PALLD: variants seen among roughly 807,000 people sequenced by gnomAD.
PALLD encodes palladin.
In PALLD, 61 loss-of-function variants were observed where a neutral mutation model predicts 123.5. The ratio of observed to expected loss-of-function variants is 0.49; its 90% confidence interval spans 0.40 to 0.61. PALLD has a LOEUF of 0.61. Among genes scored for constraint, PALLD ranks in the 20% least tolerant of loss-of-function variants. PALLD has a pLI of 0.00. For synonymous variants in PALLD, 465 were observed against 496.4 expected (o/e 0.94, Z 0.84); for missense variants, 1,273 against 1,377.0 (o/e 0.92, Z 1.20).
chr4:168,737,508 T>C (rs2150333177), intron 10 of PALLD, among the ~76,000 whole-genome samples: 1 of 152,250 alleles, frequency 6.6e-6, no homozygotes, highest in Admixed American at 6.5e-5. Flanking sequence ...AAATGGAAGA[T>C]GCCAATTTGT....
chr4:168,722,056 T>C (rs2150265125), intron 10 of PALLD, among the ~76,000 whole-genome samples: 1 of 152,330 alleles, frequency 6.6e-6, no homozygotes, highest in South Asian at 2.1e-4. Flanking sequence ...TGTATGTATG[T>C]ATTTTCAAGC....
At chr4:168,746,313 G>A (rs146369037) in intron 10 of PALLD, among the ~76,000 whole-genome samples, 4,438 of 147,728 alleles carry the variant, frequency 0.03, 199 homozygotes, top group African/African-American at 0.095. Flanking sequence ...CCCGGGAGGC[G>A]GAGCTGGCAC....
chr4:168,755,247 A>T (rs1005789660), intron 10 of PALLD, among the ~76,000 whole-genome samples: 1 of 152,016 alleles, frequency 6.6e-6, no homozygotes, highest in Admixed American at 6.6e-5. Context: ...AAAAAAAAAA[A>T]AAAAGGGCAG....
intron 2 of PALLD, chr4:168,598,460 A>G (rs58926189): frequency 0.093 from 56,572 of 605,216 alleles, 2,966 homozygotes; most frequent in Admixed American, 0.13. Flanking sequence ...ATGACTGGTA[A>G]CTGCAAAGGT....
At chr4:168,754,325 A>T (rs1045997295) in intron 10 of PALLD, among the ~76,000 whole-genome samples, 2 of 152,198 alleles carry the variant, frequency 1.3e-5, no homozygotes, top group African/African-American at 4.8e-5. Flanking sequence ...ATTATATATG[A>T]GTATACCTTT....
intron 2 of PALLD, among the ~76,000 whole-genome samples, chr4:168,598,944 T>A (rs1772265865): frequency 6.6e-6 from 1 of 152,210 alleles, no homozygotes; most frequent in South Asian, 2.1e-4. Flanking sequence ...TAATAAATAA[T>A]TTTAAAGATG....
At chr4:168,824,549 C>G (rs1231565805) in intron 10 of PALLD, among the ~76,000 whole-genome samples, 1 of 151,908 alleles carries the variant, frequency 6.6e-6, no homozygotes, top group East Asian at 1.9e-4. Context: ...TGAACTTTTT[C>G]TAAAGTTACT....
At chr4:168,526,170 T>C (rs903125563) in intron 2 of PALLD, among the ~76,000 whole-genome samples, 2 of 152,220 alleles carry the variant, frequency 1.3e-5, no homozygotes, top group Non-Finnish European at 2.9e-5. Context: ...TTTTGGAACA[T>C]GAGGCCAGCT....
chr4:168,926,035 C>T (rs1328563944), intron 21 of PALLD, among the ~76,000 whole-genome samples, 178 bp from the exon 22 acceptor site: 1 of 152,036 alleles, frequency 6.6e-6, no homozygotes, highest in Admixed American at 6.6e-5. Flanking sequence ...CCTGTATAGA[C>T]AGTAAATCTG....
At chr4:168,912,297 G>C (rs1004106529) in intron 15 of PALLD, among the ~76,000 whole-genome samples, 2 of 152,176 alleles carry the variant, frequency 1.3e-5, no homozygotes, top group Non-Finnish European at 2.9e-5. Context: ...CTCTGAGCTA[G>C]AACTCACTAA....
At chr4:168,679,064 G>T (rs1781190465) in intron 3 of PALLD, among the ~76,000 whole-genome samples, 2 of 144,218 alleles carry the variant, frequency 1.4e-5, no homozygotes, top group Admixed American at 6.9e-5. Flanking sequence ...GTAGGTGCGT[G>T]TGTGGTGGGG....
intron 2 of PALLD, among the ~76,000 whole-genome samples, chr4:168,561,430 G>C (rs1767856655): frequency 6.6e-6 from 1 of 151,868 alleles, no homozygotes; most frequent in Non-Finnish European, 1.5e-5. Context: ...GGACCATTGT[G>C]CTCAGCTAAT....
intron 2 of PALLD, among the ~76,000 whole-genome samples, chr4:168,579,467 A>G (rs1769998713): frequency 6.6e-6 from 1 of 152,142 alleles, no homozygotes; most frequent in African/African-American, 2.4e-5. Context: ...AATTTTTTTT[A>G]GCTATGCAAT....
At chr4:168,836,469 A>C (rs1196525003) in intron 10 of PALLD, among the ~76,000 whole-genome samples, 1 of 152,212 alleles carries the variant, frequency 6.6e-6, no homozygotes, top group Admixed American at 6.5e-5. Context: ...TCATAAGAAA[A>C]TGCATGAAAC....
At chr4:168,690,371 T>C (rs574938013) in intron 6 of PALLD, among the ~76,000 whole-genome samples, 5 of 152,334 alleles carry the variant, frequency 3.3e-5, no homozygotes, top group Admixed American at 3.3e-4. Context: ...ACAGGACTTA[T>C]GGTACACTTT....
chr4:168,605,039 C>T (rs1773031770), intron 2 of PALLD, among the ~76,000 whole-genome samples: 1 of 152,078 alleles, frequency 6.6e-6, no homozygotes. Context: ...ACTCTGATAC[C>T]TTCTTTGGAA....
chr4:168,909,997 T>C (rs546401436), intron 15 of PALLD, among the ~76,000 whole-genome samples: 5 of 152,318 alleles, frequency 3.3e-5, no homozygotes, highest in Admixed American at 1.3e-4. Context: ...CTAATAATTC[T>C]GCCTCCTGAA....
At chr4:168,683,689 A>G (rs1036465169) in intron 5 of PALLD, among the ~76,000 whole-genome samples, 7 of 152,150 alleles carry the variant, frequency 4.6e-5, no homozygotes, top group Non-Finnish European at 1.0e-4. Flanking sequence ...AAAAAAAAGT[A>G]GAAAACCATT....
intron 10 of PALLD, among the ~76,000 whole-genome samples, chr4:168,855,706 C>T (rs1038450798): frequency 6.6e-6 from 1 of 152,204 alleles, no homozygotes; most frequent in Non-Finnish European, 1.5e-5. Context: ...AAAGGGCCCA[C>T]ATTTGGACAC....
Sources: gnomAD v4.1 joint callset for allele counts (sites outside exome capture counted in the v4.1 genomes callset) on GRCh38, gnomAD v4.1.1 for gene constraint, MANE v1.5 for transcripts, NCBI Gene and HGNC (gene_info 2026-07-23, HGNC 2026-07-21) for gene names.